Variants in CYSLTR2 observed in about 807,000 individuals in gnomAD.
The protein encoded by CYSLTR2 is G-protein coupled receptor GPCR21.
For synonymous variants in CYSLTR2, 179 were observed against 160.8 expected (o/e 1.11, Z -0.86); for missense variants, 398 against 411.9 (o/e 0.97, Z 0.29).
intron 1 of CYSLTR2, among the ~76,000 whole-genome samples, chr13:48,687,058 T>C (rs1228168131): frequency 6.6e-6 from 1 of 152,144 alleles, no homozygotes; most frequent in Non-Finnish European, 1.5e-5. Flanking sequence ...GGATTTGCTC[T>C]CTTGCTCCTG....
chr13:48,673,318 G>C (rs1036648535), intron 1 of CYSLTR2, among the ~76,000 whole-genome samples: 1 of 151,114 alleles, frequency 6.6e-6, no homozygotes, highest in Non-Finnish European at 1.5e-5. Flanking sequence ...ATTTAGCATA[G>C]TTAGCTATTC....
intron 1 of CYSLTR2, among the ~76,000 whole-genome samples, chr13:48,670,109 A>G (rs1282985111): frequency 6.6e-6 from 1 of 152,224 alleles, no homozygotes; most frequent in Non-Finnish European, 1.5e-5. Flanking sequence ...TGCTTTGCCC[A>G]CTTTTTGATG....
chr13:48,661,318 A>G (rs1019171217), intron 1 of CYSLTR2, among the ~76,000 whole-genome samples: 1 of 152,098 alleles, frequency 6.6e-6, no homozygotes, highest in African/African-American at 2.4e-5. Flanking sequence ...CCATGGTCAT[A>G]GAGGTAGTCC....
rs1219919840 is a variant in CYSLTR2, at chr13:48,702,668, C to CTT, written c.-1-4149_-1-4148insTT. ...TTGATCTATCTGTTTGTCCTTCAGC[C>CTT]AATACCATACATTCTTAATTACTTT... On this transcript the variant is annotated intron_variant, in intron 4 of 4. Coordinates refer to ENST00000682523, the MANE Select transcript of CYSLTR2 (RefSeq NM_001308476.3). 5.2e-3 allele frequency among the ~76,000 whole-genome samples: 791 copies of CTT among 152,234 alleles called. 7 individuals are homozygous for CTT. Among genetic ancestry groups the CTT allele is most frequent in the African/African-American group, 0.018 (742 of 41,534 alleles).
intron 1 of CYSLTR2, among the ~76,000 whole-genome samples, chr13:48,673,754 C>G (rs1175888802): frequency 6.6e-6 from 1 of 152,110 alleles, no homozygotes; most frequent in Non-Finnish European, 1.5e-5. Context: ...TTTGCACTAG[C>G]TGGTACCGGT....
Position 48,707,932 on chromosome 13 carries a change from G to C in CYSLTR2, c.*74G>C. On this transcript the variant is annotated 3_prime_UTR_variant, in exon 5 of 5. Coordinates refer to ENST00000682523, the MANE Select transcript of CYSLTR2 (RefSeq NM_001308476.3). ...TCACTCATAGTCTCCAAATGACTTT[G>C]TATTTACATCACTCCCAACAAATGT... 8.2e-7 allele frequency: 1 copy of C among 1,226,386 alleles called. No homozygotes were observed. The highest frequency in any genetic ancestry group is 1.1e-6 in the Non-Finnish European group (1 of 905,866). 76.0% of individuals were successfully genotyped at this position (1,226,386 alleles called of 1,614,324 possible).
intron 1 of CYSLTR2, among the ~76,000 whole-genome samples, chr13:48,681,327 G>A (rs1414324097): frequency 6.6e-6 from 1 of 152,176 alleles, no homozygotes; most frequent in African/African-American, 2.4e-5. Flanking sequence ...TTCATTAGGG[G>A]AAACGGACCC....
chr13:48,658,383 A>C (rs1333765371), intron 1 of CYSLTR2, among the ~76,000 whole-genome samples: 1 of 152,172 alleles, frequency 6.6e-6, no homozygotes, highest in African/African-American at 2.4e-5. Flanking sequence ...CCCGCCCCCC[A>C]AAAAGATATT....
Position 48,668,145 on chromosome 13 carries a change from A to T in CYSLTR2, c.-266+14128A>T, listed in dbSNP as rs145593687. ...AAAATCTGATTATCTGGAGAGGCAG[A>T]CATGATGTGTCTGCCTGACATATAT... is the stretch of plus-strand genomic sequence containing the variant. On this transcript the variant is annotated intron_variant, in intron 1 of 4. Coordinates refer to ENST00000682523, the MANE Select transcript of CYSLTR2 (RefSeq NM_001308476.3). 4.9e-3 allele frequency among the ~76,000 whole-genome samples: 742 copies of T among 152,260 alleles called. 3 individuals carry two copies. The highest frequency in any genetic ancestry group is 0.014 in the Middle Eastern group (4 of 294).
intron 1 of CYSLTR2, among the ~76,000 whole-genome samples, chr13:48,667,605 A>G (rs1438633311): frequency 6.6e-6 from 1 of 152,140 alleles, no homozygotes; most frequent in African/African-American, 2.4e-5. Flanking sequence ...CACAATTGCA[A>G]AGCTAGCCTA....
intron 1 of CYSLTR2, among the ~76,000 whole-genome samples, chr13:48,662,065 T>G (rs981431911): frequency 6.6e-6 from 1 of 152,226 alleles, no homozygotes; most frequent in Non-Finnish European, 1.5e-5. Context: ...TCAACTTTTT[T>G]TACTATTCCA....
intron 1 of CYSLTR2, among the ~76,000 whole-genome samples, chr13:48,659,130 A>G (rs1953067454): frequency 6.6e-6 from 1 of 152,002 alleles, no homozygotes; most frequent in Non-Finnish European, 1.5e-5. Context: ...GACACTGGGC[A>G]GCAGGACAAG....
intron 4 of CYSLTR2, among the ~76,000 whole-genome samples, chr13:48,705,073 ATCAGTTTTGCT>A (rs1356842224): frequency 1.3e-5 from 2 of 152,108 alleles, no homozygotes; most frequent in South Asian, 2.1e-4. Flanking sequence ...TTTCAGTTTT[ATCAGTTTTGCT>A]TCAGTTTTGC....
chr13:48,705,755 A>G (rs1954465638), intron 4 of CYSLTR2, among the ~76,000 whole-genome samples: 1 of 150,940 alleles, frequency 6.6e-6, no homozygotes, highest in African/African-American at 2.4e-5. Flanking sequence ...AACTATCTCA[A>G]TAATTCCTCT....
intron 1 of CYSLTR2, among the ~76,000 whole-genome samples, chr13:48,669,896 A>C (rs1310880796): frequency 6.6e-6 from 1 of 152,234 alleles, no homozygotes; most frequent in East Asian, 1.9e-4. Flanking sequence ...TCCCACCAAC[A>C]GTGTAAAAGC....
At position 48,707,302 on chromosome 13, in the gene CYSLTR2, T is replaced by C. The variant is rs1463595566; in HGVS notation, c.485T>C (p.Ile162Thr). The change falls in exon 5 of 5, where the codon ATA becomes ACA. Residue 162 changes from isoleucine to threonine, a missense_variant. Coordinates refer to ENST00000682523, the MANE Select transcript of CYSLTR2 (RefSeq NM_001308476.3). ...AGTGCCTGGATCCTCTGTGGGATCA[T>C]ATGGATCCTTATCATGGCTTCCTCA... ...IRSAWILCGIIWILIMASSIM... is the reference protein window; with the variant it reads ...IRSAWILCGITWILIMASSIM... 1 of 1,614,060 alleles carries C rather than the reference T, an allele frequency of 6.2e-7. No homozygotes were observed. Among genetic ancestry groups the C allele is most frequent in the Admixed American group, 1.7e-5 (1 of 60,024 alleles).
At chr13:48,693,858 G>T (rs1024625887) in intron 3 of CYSLTR2, among the ~76,000 whole-genome samples, 1 of 152,132 alleles carries the variant, frequency 6.6e-6, no homozygotes, top group African/African-American at 2.4e-5. Flanking sequence ...CCTCTTGAAG[G>T]TTTCTTCACT....
intron 1 of CYSLTR2, among the ~76,000 whole-genome samples, chr13:48,688,528 T>C (rs1953954556): frequency 6.6e-6 from 1 of 152,192 alleles, no homozygotes; most frequent in African/African-American, 2.4e-5. Context: ...TGTTCCTGTG[T>C]TAGTTTGCTG....
chr13:48,656,815 T>G (rs942854146), intron 1 of CYSLTR2, among the ~76,000 whole-genome samples: 1 of 152,216 alleles, frequency 6.6e-6, no homozygotes, highest in Non-Finnish European at 1.5e-5. Context: ...CAAGGGATTG[T>G]GCAATTACCC....
Sources: gnomAD v4.1 joint callset for allele counts (sites outside exome capture counted in the v4.1 genomes callset) on GRCh38, gnomAD v4.1.1 for gene constraint, MANE v1.5 for transcripts, NCBI Gene and HGNC (gene_info 2026-07-23, HGNC 2026-07-21) for gene names.